The following ASPRV1 variants were observed in gnomAD, a reference collection of about 807,000 sequenced individuals.
The protein encoded by ASPRV1 is aspartic peptidase retroviral like 1.
A neutral mutation model predicts 11.0 loss-of-function variants in ASPRV1; 7 were observed. The observed-to-expected ratio is 0.64, with a 90% CI of 0.36 to 1.20. The LOEUF (loss-of-function observed/expected upper bound fraction) is 1.20. Among genes scored for constraint, ASPRV1 ranks in the 50% most tolerant of loss-of-function variants. The pLI is 0.02. For synonymous variants in ASPRV1, 136 were observed against 138.4 expected (o/e 0.98, Z 0.12); for missense variants, 299 against 320.0 (o/e 0.93, Z 0.50).
chr2:69,959,975 G>A (rs1572875239), downstream of ASPRV1: 1 of 152,280 alleles, frequency 6.6e-6, no homozygotes, highest in Admixed American at 6.5e-5. Flanking sequence ...TGTCATCCCT[G>A]TGTATATGTT....
the ASPRV1 span, among the ~76,000 whole-genome samples, chr2:70,058,196 CT>C: frequency 6.6e-6 from 1 of 152,244 alleles, no homozygotes; most frequent in Non-Finnish European, 1.5e-5. Flanking sequence ...TATGGTCACC[CT>C]TTACACTCTG....
At chr2:69,945,253 A>G in the ASPRV1 span, among the ~76,000 whole-genome samples, 1 of 152,230 alleles carries the variant, frequency 6.6e-6, no homozygotes, top group Non-Finnish European at 1.5e-5. Context: ...AACTAAAACT[A>G]GAAAAACAAA....
the ASPRV1 span, among the ~76,000 whole-genome samples, chr2:70,055,389 C>T: frequency 1.3e-5 from 2 of 152,090 alleles, no homozygotes; most frequent in Admixed American, 1.3e-4. Flanking sequence ...ACCCAAATGC[C>T]CATTAATGAT....
At chr2:70,011,003 A>G in the ASPRV1 span, among the ~76,000 whole-genome samples, 1 of 152,204 alleles carries the variant, frequency 6.6e-6, no homozygotes, top group African/African-American at 2.4e-5. Context: ...AAACTAATGC[A>G]GGAACAGAAA....
At chr2:70,041,963 A>C in the ASPRV1 span, among the ~76,000 whole-genome samples, 1 of 152,196 alleles carries the variant, frequency 6.6e-6, no homozygotes, top group African/African-American at 2.4e-5. Context: ...ATTTCAGATG[A>C]AGGTAATAGT....
chr2:70,021,188 A>C, the ASPRV1 span, among the ~76,000 whole-genome samples: 1 of 152,134 alleles, frequency 6.6e-6, no homozygotes, highest in Non-Finnish European at 1.5e-5. Context: ...TTCACTTGGC[A>C]CAGTATTCTT....
chr2:70,000,836 A>G, the ASPRV1 span, among the ~76,000 whole-genome samples: 177 of 151,382 alleles, frequency 1.2e-3, 2 homozygotes, highest in African/African-American at 4.2e-3. Context: ...AAGAAAAGAA[A>G]ACTAGATAAA....
the ASPRV1 span, among the ~76,000 whole-genome samples, chr2:70,074,652 GGTCAA>G: frequency 1.3e-5 from 2 of 151,828 alleles, no homozygotes; most frequent in East Asian, 1.9e-4. Context: ...TTGGTGGCAG[GGTCAA>G]GTCAAGATCA....
chr2:70,000,197 T>C, the ASPRV1 span, among the ~76,000 whole-genome samples: 1 of 151,900 alleles, frequency 6.6e-6, no homozygotes, highest in Non-Finnish European at 1.5e-5. Flanking sequence ...TTGTAATATA[T>C]GAGAATTGGG....
chr2:70,073,346 C>T, the ASPRV1 span: 1 of 152,142 alleles, frequency 6.6e-6, no homozygotes, highest in African/African-American at 2.4e-5. Context: ...AGTCCCTCTT[C>T]TATTTTTTTA....
At chr2:70,015,140 T>C in the ASPRV1 span, among the ~76,000 whole-genome samples, 2 of 152,190 alleles carry the variant, frequency 1.3e-5, no homozygotes, top group African/African-American at 4.8e-5. Flanking sequence ...CCCAACTATA[T>C]GTGGCCTATG....
At chr2:69,981,994 A>ATC in the ASPRV1 span, among the ~76,000 whole-genome samples, 1 of 151,598 alleles carries the variant, frequency 6.6e-6, no homozygotes, top group Admixed American at 6.6e-5. Context: ...CTAACTGCAA[A>ATC]TCTCTCCCTA....
chr2:69,982,495 T>C, the ASPRV1 span, among the ~76,000 whole-genome samples: 4 of 152,076 alleles, frequency 2.6e-5, no homozygotes, highest in Non-Finnish European at 5.9e-5. Context: ...TGACCACTTA[T>C]GTGGGAATTA....
chr2:70,057,735 T>A, the ASPRV1 span, among the ~76,000 whole-genome samples: 1 of 152,020 alleles, frequency 6.6e-6, no homozygotes, highest in Non-Finnish European at 1.5e-5. Flanking sequence ...CGCCTCGGCC[T>A]CCCAAAGTGC....
the ASPRV1 span, among the ~76,000 whole-genome samples, chr2:69,994,500 C>T: frequency 1.3e-5 from 2 of 152,254 alleles, no homozygotes; most frequent in East Asian, 1.9e-4. Context: ...TCAAGGAACC[C>T]GGGGTGCAGC....
At chr2:70,083,192 G>A in the ASPRV1 span, among the ~76,000 whole-genome samples, 3 of 152,196 alleles carry the variant, frequency 2.0e-5, no homozygotes, top group Admixed American at 1.3e-4. Flanking sequence ...ACACATCAAA[G>A]TCCATATCAA....
At chr2:70,040,226 T>C in the ASPRV1 span, among the ~76,000 whole-genome samples, 5 of 151,966 alleles carry the variant, frequency 3.3e-5, no homozygotes, top group East Asian at 5.8e-4. Flanking sequence ...GTAGAGACAG[T>C]TGGGCATAGT....
chr2:70,003,493 C>CAG, the ASPRV1 span, among the ~76,000 whole-genome samples: 1 of 152,324 alleles, frequency 6.6e-6, no homozygotes, highest in East Asian at 1.9e-4. Context: ...CACTCTCTTG[C>CAG]TCTCTCTGTG....
At chr2:70,058,067 G>C in the ASPRV1 span, among the ~76,000 whole-genome samples, 1 of 152,172 alleles carries the variant, frequency 6.6e-6, no homozygotes, top group Non-Finnish European at 1.5e-5. Context: ...ACAGGCGTGA[G>C]CCAACACGCA....
Sources: gnomAD v4.1 joint callset for allele counts (sites outside exome capture counted in the v4.1 genomes callset) on GRCh38, gnomAD v4.1.1 for gene constraint, MANE v1.5 for transcripts, NCBI Gene and HGNC (gene_info 2026-07-23, HGNC 2026-07-21) for gene names.